Variants in MARCHF1 observed in about 807,000 individuals in gnomAD.
MARCHF1 encodes the protein membrane associated ring-CH-type finger 1, also known as E3 ubiquitin-protein ligase MARCHF1.
In MARCHF1, 40 loss-of-function variants were observed where a neutral mutation model predicts 54.2. The ratio of observed to expected loss-of-function variants is 0.74; its 90% CI spans 0.57 to 0.96. MARCHF1 has a LOEUF of 0.96. Among genes scored for constraint, MARCHF1 ranks in the 40% least tolerant of loss-of-function variants. The probability of loss-of-function intolerance (pLI) is 0.00; values close to 1 mark genes in which losing one functional copy is unlikely to be tolerated. For synonymous variants in MARCHF1, 236 were observed against 236.3 expected (o/e 1.00, Z 0.01); for missense variants, 586 against 656.5 (o/e 0.89, Z 1.17).
At chr4:163,572,334 T>TA (rs769584658) in intron 8 of MARCHF1, among the ~76,000 whole-genome samples, 11 of 146,144 alleles carry the variant, frequency 7.5e-5, no homozygotes, top group South Asian at 6.5e-4. Flanking sequence ...TTTTTTTTTT[T>TA]AAATAAATTG....
chr4:163,912,504 T>C (rs1751215392), intron 3 of MARCHF1, among the ~76,000 whole-genome samples: 1 of 152,162 alleles, frequency 6.6e-6, no homozygotes, highest in African/African-American at 2.4e-5. Flanking sequence ...AAAAAATACA[T>C]TTGCGTACAA....
At chr4:164,368,289 T>A (rs533578883) in intron 1 of MARCHF1, among the ~76,000 whole-genome samples, 1 of 150,788 alleles carries the variant, frequency 6.6e-6, no homozygotes, top group African/African-American at 2.4e-5. Flanking sequence ...TTATGTTGAA[T>A]AATTTAAGAA....
chr4:164,040,734 C>G (rs1754111195), intron 2 of MARCHF1, among the ~76,000 whole-genome samples: 1 of 151,810 alleles, frequency 6.6e-6, no homozygotes, highest in Non-Finnish European at 1.5e-5. Flanking sequence ...TTGTTCAACA[C>G]CAGCAAATGT....
chr4:164,176,127 G>C (rs2110992690), intron 1 of MARCHF1, among the ~76,000 whole-genome samples: 1 of 152,198 alleles, frequency 6.6e-6, no homozygotes, highest in East Asian at 1.9e-4. Flanking sequence ...AATATCAAAA[G>C]GTATTATTAG....
chr4:163,694,926 G>A lies in MARCHF1; in HGVS notation c.162+5887C>T, dbSNP rs7680537. Among the ~76,000 whole-genome samples, 186 of 152,116 alleles carry A rather than the reference G, an allele frequency of 1.2e-3. 6 individuals carry two copies. The East Asian group carries it at 0.024, about 20-fold the overall frequency. On this transcript the variant is annotated intron_variant, in intron 5 of 9. Coordinates refer to ENST00000514618, the MANE Select transcript of MARCHF1 (RefSeq NM_001394959.1). ...CCCATTTCCTCAACTTTGGTCTCAGGACAGACCTTAACTCAGGGTCTCTGA... is the reference window on the plus strand; with the variant it reads ...CCCATTTCCTCAACTTTGGTCTCAGAACAGACCTTAACTCAGGGTCTCTGA...
At chr4:164,380,630 T>G (rs891005620) in intron 1 of MARCHF1, among the ~76,000 whole-genome samples, 1 of 152,208 alleles carries the variant, frequency 6.6e-6, no homozygotes, top group South Asian at 2.1e-4. Flanking sequence ...AGAATTTGTC[T>G]CAAATATTTT....
chr4:164,211,869 A>T (rs1006565259), intron 1 of MARCHF1, among the ~76,000 whole-genome samples: 10 of 152,160 alleles, frequency 6.6e-5, no homozygotes, highest in Non-Finnish European at 1.2e-4. Context: ...AGGGAGAAGT[A>T]AATTTAAATG....
chr4:163,798,298 GA>G (rs1237910340), intron 4 of MARCHF1, among the ~76,000 whole-genome samples: 1 of 152,116 alleles, frequency 6.6e-6, no homozygotes, highest in African/African-American at 2.4e-5. Flanking sequence ...GCCAGGAAGG[GA>G]AACTTTATCA....
chr4:164,264,979 T>G (rs1214353722), intron 1 of MARCHF1, among the ~76,000 whole-genome samples: 2 of 151,894 alleles, frequency 1.3e-5, no homozygotes, highest in Non-Finnish European at 2.9e-5. Context: ...TTGTTGTGCG[T>G]TAAATTGTAG....
chr4:164,124,872 T>C (rs943647401), intron 1 of MARCHF1, among the ~76,000 whole-genome samples: 1 of 152,124 alleles, frequency 6.6e-6, no homozygotes. Flanking sequence ...TACTATTTGA[T>C]AGCACAATAG....
chr4:163,628,177 T>G (rs1369855711), intron 5 of MARCHF1, among the ~76,000 whole-genome samples: 1 of 152,100 alleles, frequency 6.6e-6, no homozygotes, highest in African/African-American at 2.4e-5. Flanking sequence ...ACTCAAAATA[T>G]AGAAATAACT....
chr4:163,564,346 T>C (rs1739574172), intron 8 of MARCHF1, among the ~76,000 whole-genome samples: 1 of 152,228 alleles, frequency 6.6e-6, no homozygotes, highest in African/African-American at 2.4e-5. Context: ...TATGATAATT[T>C]GCACTATTTT....
At chr4:163,568,819 C>T (rs1333183816) in intron 8 of MARCHF1, among the ~76,000 whole-genome samples, 2 of 152,084 alleles carry the variant, frequency 1.3e-5, no homozygotes, top group Non-Finnish European at 2.9e-5. Context: ...ACCAGAGGCT[C>T]CTAGACATAT....
At chr4:164,349,963 G>C (rs565660404) in intron 1 of MARCHF1, among the ~76,000 whole-genome samples, 1 of 152,142 alleles carries the variant, frequency 6.6e-6, no homozygotes, top group Non-Finnish European at 1.5e-5. Context: ...ACTTATGATT[G>C]TATGATTTTG....
intron 3 of MARCHF1, among the ~76,000 whole-genome samples, chr4:163,972,424 TAC>T (rs1394629711): frequency 1.3e-5 from 2 of 152,238 alleles, no homozygotes; most frequent in Non-Finnish European, 2.9e-5. Context: ...AAAAGGATTT[TAC>T]AGTTTGTATT....
chr4:163,616,368 A>G (rs1219622379), intron 5 of MARCHF1, among the ~76,000 whole-genome samples: 1 of 152,166 alleles, frequency 6.6e-6, no homozygotes, highest in Non-Finnish European at 1.5e-5. Flanking sequence ...ATGAGGAACT[A>G]ATATATAGAA....
intron 4 of MARCHF1, among the ~76,000 whole-genome samples, chr4:163,851,178 C>G (rs1233757353): frequency 6.6e-6 from 1 of 152,122 alleles, no homozygotes; most frequent in East Asian, 1.9e-4. Flanking sequence ...ATAGGCACTT[C>G]AAACATGGTT....
intron 4 of MARCHF1, among the ~76,000 whole-genome samples, chr4:163,837,339 G>A (rs188103072): frequency 2.0e-5 from 3 of 152,058 alleles, no homozygotes; most frequent in Non-Finnish European, 2.9e-5. Context: ...TAAGATAGTA[G>A]ACTTAAACAC....
intron 9 of MARCHF1, among the ~76,000 whole-genome samples, chr4:163,537,533 C>T (rs533446435): frequency 2.0e-5 from 3 of 152,308 alleles, no homozygotes; most frequent in South Asian, 4.1e-4. Context: ...GCAATTCAAG[C>T]ATCTGCTCAT....
Sources: gnomAD v4.1 joint callset for allele counts (sites outside exome capture counted in the v4.1 genomes callset) on GRCh38, gnomAD v4.1.1 for gene constraint, MANE v1.5 for transcripts, NCBI Gene and HGNC (gene_info 2026-07-23, HGNC 2026-07-21) for gene names.